PIAS1: variants seen among roughly 807,000 people sequenced by gnomAD.
PIAS1 encodes E3 SUMO-protein ligase PIAS1.
In PIAS1, 6 loss-of-function variants were observed where a neutral mutation model predicts 71.3. The ratio of observed to expected loss-of-function variants is 0.08; its 90% confidence interval spans 0.05 to 0.17. The LOEUF is 0.17. Among genes scored for constraint, PIAS1 ranks in the 10% least tolerant of loss-of-function variants. The probability of loss-of-function intolerance (pLI) is 1.00; values close to 1 mark genes in which losing one functional copy is unlikely to be tolerated. For missense variants in PIAS1, 555 were observed against 793.6 expected (o/e 0.70, Z 3.61); for synonymous variants, 303 against 292.9 (o/e 1.03, Z -0.35).
intron 1 of PIAS1, among the ~76,000 whole-genome samples, chr15:68,071,843 G>A (rs2092100527): frequency 6.6e-6 from 1 of 151,962 alleles, no homozygotes; most frequent in Admixed American, 6.6e-5. Context: ...AGCTACTTGG[G>A]AGGCTGAGGT....
At chr15:68,166,161 T>C (rs2092956725) in intron 8 of PIAS1, among the ~76,000 whole-genome samples, 1 of 152,144 alleles carries the variant, frequency 6.6e-6, no homozygotes, top group Non-Finnish European at 1.5e-5. Context: ...TATATCTTTC[T>C]ATTCCTGTAA....
intron 2 of PIAS1, among the ~76,000 whole-genome samples, chr15:68,087,210 A>T (rs2140982866): frequency 6.6e-6 from 1 of 152,240 alleles, no homozygotes; most frequent in South Asian, 2.1e-4. Context: ...TGCTAGTTAA[A>T]TTTCAGCTGA....
intron 2 of PIAS1, among the ~76,000 whole-genome samples, chr15:68,131,639 A>G (rs2092688556): frequency 6.6e-6 from 1 of 152,180 alleles, no homozygotes; most frequent in Non-Finnish European, 1.5e-5. Context: ...TAAGCATAGT[A>G]TTGTCTAATT....
At chr15:68,128,962 A>G (rs955592243) in intron 2 of PIAS1, among the ~76,000 whole-genome samples, 11 of 152,220 alleles carry the variant, frequency 7.2e-5, no homozygotes, top group Admixed American at 4.6e-4. Context: ...ACATGGATAA[A>G]CAGCAGTAAT....
intron 1 of PIAS1, among the ~76,000 whole-genome samples, chr15:68,063,279 C>A (rs867731383): frequency 6.6e-6 from 1 of 152,172 alleles, no homozygotes; most frequent in Non-Finnish European, 1.5e-5. Flanking sequence ...ACTTAACATG[C>A]TATCTTGTGC....
Position 68,187,099 on chromosome 15 carries a change from G to A in PIAS1, c.1663-443G>A, listed in dbSNP as rs1275920748. Among the ~76,000 whole-genome samples the A allele has an allele frequency of 6.6e-6, 1 of 152,186 alleles. No homozygotes were observed. Among genetic ancestry groups the A allele is most frequent in the Non-Finnish European group, 1.5e-5 (1 of 68,030 alleles). ...AAAATTCTAACTTTCAGTGGTGCCT[G>A]AGTGTATAATAAGAACAGTGTCTGT... On this transcript the variant is annotated intron_variant, in intron 13 of 13. Transcript: ENST00000249636. This position sits in a 1 kb window ranked among gnomAD's most constrained non-coding sequence, Gnocchi z 5.3.
intron 2 of PIAS1, among the ~76,000 whole-genome samples, chr15:68,107,978 AAG>A (rs1456893264): frequency 6.6e-6 from 1 of 152,200 alleles, no homozygotes; most frequent in Non-Finnish European, 1.5e-5. Context: ...AACAGTGAGG[AAG>A]AGTTAGAATT....
At chr15:68,111,894 G>A (rs1298839581) in intron 2 of PIAS1, among the ~76,000 whole-genome samples, 3 of 151,930 alleles carry the variant, frequency 2.0e-5, no homozygotes, top group Admixed American at 2.0e-4. Context: ...AATCCTACCT[G>A]GCCATCATAC....
rs2093113689 is a variant in PIAS1, at chr15:68,190,408, T to A, written c.*2573T>A. 1 of 152,210 alleles carries A rather than the reference T, an allele frequency of 6.6e-6. No individual in the cohort carries two copies. The highest frequency in any genetic ancestry group is 2.1e-4 in the South Asian group (1 of 4,834). 9.4% of individuals were successfully genotyped at this position (152,210 alleles called of 1,614,324 possible). ...TCAATCAGACTTTCATGATCTCTAC[T>A]AATTATTAGTAGAGTCCTGTACTAT... On this transcript the variant is annotated 3_prime_UTR_variant, in exon 14 of 14. Coordinates refer to ENST00000249636, the MANE Select transcript of PIAS1 (RefSeq NM_016166.3). This position sits in a 1 kb window ranked among gnomAD's most constrained non-coding sequence, Gnocchi z 4.7.
intron 2 of PIAS1, among the ~76,000 whole-genome samples, chr15:68,131,276 TATATATTTATGGGGC>T (rs2092686138): frequency 1.3e-5 from 2 of 152,182 alleles, no homozygotes; most frequent in Non-Finnish European, 2.9e-5. Flanking sequence ...ATTATAGATG[TATATATTTATGGGGC>T]ACAGAGTGAT....
chr15:68,149,276 G>A (rs142858855), intron 6 of PIAS1, among the ~76,000 whole-genome samples: 2,297 of 151,810 alleles, frequency 0.015, 23 homozygotes, highest in Middle Eastern at 0.045. Flanking sequence ...CTGCATATTG[G>A]TGGTTATTGG....
At chr15:68,152,457 T>C (rs900411861) in intron 6 of PIAS1, among the ~76,000 whole-genome samples, 1 of 152,228 alleles carries the variant, frequency 6.6e-6, no homozygotes. Context: ...TTAAGTTCCA[T>C]GTCTTAATAT....
chr15:68,106,676 A>G (rs890363332), intron 2 of PIAS1, among the ~76,000 whole-genome samples: 1 of 151,376 alleles, frequency 6.6e-6, no homozygotes, highest in Admixed American at 6.6e-5. Flanking sequence ...GCCTCTTCTT[A>G]TACCCCACAA....
intron 2 of PIAS1, among the ~76,000 whole-genome samples, chr15:68,125,320 A>G (rs988963034): frequency 6.6e-6 from 1 of 152,082 alleles, no homozygotes; most frequent in African/African-American, 2.4e-5. Flanking sequence ...TTCTGAACTG[A>G]TACTCTGCTA....
chr15:68,185,443 A>T lies in PIAS1; in HGVS notation c.1662+1776A>T, dbSNP rs1165803364. Among the ~76,000 whole-genome samples the T allele has an allele frequency of 1.3e-5, 2 of 152,226 alleles. No individual in the cohort carries two copies. The highest frequency in any genetic ancestry group is 2.4e-5 in the African/African-American group (1 of 41,464). On this transcript the variant is annotated intron_variant, in intron 13 of 13. Transcript: ENST00000249636. This position sits in a 1 kb window ranked among gnomAD's most constrained non-coding sequence, Gnocchi z 4.4. ...AAGGCTGTGGTTGACATGGCAAACA[A>T]CTTTAACCTAGATGTAGATGAGGAT... is the stretch of plus-strand genomic sequence containing the variant.
intron 11 of PIAS1, 34 bp downstream of exon 11, chr15:68,176,688 C>T (rs2093022215): frequency 7.0e-7 from 1 of 1,424,616 alleles, no homozygotes; most frequent in Non-Finnish European, 9.5e-7. Flanking sequence ...AAAAAGTAAT[C>T]ATGAAAATTA....
In PIAS1 at chr15:68,173,326, G is replaced by C. The variant is rs559872829; in HGVS notation, c.1009-406G>C. ...GCTACGATTGTGCCTGTGAATAAGA[G>C]TTGGCACTTCAGCCTGGGCAATATA... On this transcript the variant is annotated intron_variant, in intron 8 of 13. Coordinates refer to ENST00000249636, the MANE Select transcript of PIAS1 (RefSeq NM_016166.3). The surrounding 1 kb of genome is among the most constrained non-coding windows in gnomAD (Gnocchi z 4.3). 6.6e-6 allele frequency among the ~76,000 whole-genome samples: 1 copy of C among 151,902 alleles called. No individual in the cohort carries two copies. Among genetic ancestry groups the C allele is most frequent in the East Asian group, 1.9e-4 (1 of 5,150 alleles).
At chr15:68,083,082 G>A (rs941592157) in intron 1 of PIAS1, among the ~76,000 whole-genome samples, 1 of 151,950 alleles carries the variant, frequency 6.6e-6, no homozygotes, top group Non-Finnish European at 1.5e-5. Flanking sequence ...AATTGCTGAG[G>A]AAGTAATGAT....
intron 13 of PIAS1, 91 bp downstream of exon 13, chr15:68,183,758 T>C: frequency 1.7e-6 from 1 of 595,460 alleles, no homozygotes; most frequent in South Asian, 1.8e-5. Flanking sequence ...TGACAGGCCA[T>C]ATATGCATTC....
Sources: allele counts gnomAD v4.1 joint callset (sites outside exome capture counted in the v4.1 genomes callset), GRCh38; gene constraint gnomAD v4.1.1; non-coding constraint Gnocchi (gnomAD v3.1); transcripts MANE v1.5; gene names NCBI Gene and HGNC (gene_info 2026-07-23, HGNC 2026-07-21).